Variants in FGF18 observed in about 807,000 individuals in gnomAD.
FGF18 encodes the protein fibroblast growth factor 18.
FGF18 carries 5 observed loss-of-function variants against 23.0 expected under a neutral mutation model. That is an observed-to-expected ratio of 0.22 (90% CI 0.11 to 0.46). The LOEUF is 0.46. Ranked by LOEUF, FGF18 falls within the 20% of genes least tolerant of loss-of-function variation. The pLI is 0.99. For synonymous variants in FGF18, 117 were observed against 118.9 expected (o/e 0.98, Z 0.10); for missense variants, 180 against 291.6 (o/e 0.62, Z 2.79).
At chr5:171,452,185 G>A (rs1772525935) in intron 4 of FGF18, among the ~76,000 whole-genome samples, 1 of 152,368 alleles carries the variant, frequency 6.6e-6, no homozygotes, top group Admixed American at 6.5e-5. Context: ...GTCGTCATCT[G>A]TAAAATGGGA....
intron 2 of FGF18, among the ~76,000 whole-genome samples, chr5:171,430,146 CAGG>C (rs1392624643): frequency 6.6e-6 from 1 of 151,940 alleles, no homozygotes; most frequent in East Asian, 1.9e-4. Flanking sequence ...ATCATGAGGT[CAGG>C]AGTTCAAGAC....
At position 171,451,699 on chromosome 5, in the gene FGF18, G is replaced by A. The variant is rs992357456; in HGVS notation, c.357+2446G>A. Among the ~76,000 whole-genome samples the A allele has an allele frequency of 6.6e-6, 1 of 152,030 alleles. No individual in the cohort carries two copies. The highest frequency in any genetic ancestry group is 1.5e-5 in the Non-Finnish European group (1 of 67,994). ...TCCCACCTTGCTATGGGACACCGAA[G>A]GCCCTGGGGAGCCTCCCCGGGCACA... On this transcript the variant is annotated intron_variant, in intron 4 of 4. Transcript: ENST00000274625. This position sits in a 1 kb window ranked among gnomAD's most constrained non-coding sequence, Gnocchi z 4.5.
intron 2 of FGF18, among the ~76,000 whole-genome samples, chr5:171,421,930 AT>A (rs1772015230): frequency 6.6e-6 from 1 of 152,130 alleles, no homozygotes; most frequent in South Asian, 2.1e-4. Flanking sequence ...AGTGCCAGGC[AT>A]GGCCTGCCTG....
intron 4 of FGF18, among the ~76,000 whole-genome samples, chr5:171,455,570 C>T (rs776319280): frequency 1.3e-5 from 2 of 152,164 alleles, no homozygotes; most frequent in Non-Finnish European, 2.9e-5. Context: ...ATGATGTGAC[C>T]AGGACGTAGT....
intron 2 of FGF18, among the ~76,000 whole-genome samples, chr5:171,421,427 AC>A (rs1772005190): frequency 6.6e-6 from 1 of 152,202 alleles, no homozygotes; most frequent in Admixed American, 6.5e-5. Context: ...GGAACTGGAC[AC>A]AGGTCAAAAG....
intron 3 of FGF18, among the ~76,000 whole-genome samples, chr5:171,443,465 T>G (rs2113353196): frequency 6.8e-6 from 1 of 146,360 alleles, no homozygotes; most frequent in Admixed American, 6.9e-5. Flanking sequence ...GCTTGACACA[T>G]GGTATATGCT....
At chr5:171,455,039 C>T (rs1232884753) in intron 4 of FGF18, among the ~76,000 whole-genome samples, 2 of 152,222 alleles carry the variant, frequency 1.3e-5, no homozygotes, top group African/African-American at 4.8e-5. Context: ...AAGCATCACT[C>T]CTACAGTGTC....
chr5:171,422,288 G>A (rs74815386), intron 2 of FGF18, among the ~76,000 whole-genome samples: 2,168 of 152,204 alleles, frequency 0.014, 51 homozygotes, highest in African/African-American at 0.049. Context: ...CCCTGGTTAG[G>A]TCAAGAGGCA....
intron 2 of FGF18, among the ~76,000 whole-genome samples, chr5:171,432,268 G>A (rs1249215090): frequency 6.6e-6 from 1 of 152,124 alleles, no homozygotes; most frequent in Non-Finnish European, 1.5e-5. Flanking sequence ...AGGCAGCCCC[G>A]CTATGCATGT....
chr5:171,435,700 CT>C (rs1173925506), intron 2 of FGF18, among the ~76,000 whole-genome samples: 1 of 152,120 alleles, frequency 6.6e-6, no homozygotes, highest in Non-Finnish European at 1.5e-5. Flanking sequence ...GATTGGAGTA[CT>C]TTTCTTCCCG....
intron 2 of FGF18, among the ~76,000 whole-genome samples, chr5:171,435,003 G>A (rs768098209): frequency 2.0e-5 from 3 of 152,162 alleles, no homozygotes; most frequent in Admixed American, 6.5e-5. Context: ...GAGCTCAAGG[G>A]GTTAGAATGT....
chr5:171,433,299 C>T (rs556471059), intron 2 of FGF18, among the ~76,000 whole-genome samples: 43 of 152,288 alleles, frequency 2.8e-4, no homozygotes, highest in African/African-American at 8.7e-4. Context: ...AATGGGAGGC[C>T]GGCTTCTGGG....
intron 3 of FGF18, among the ~76,000 whole-genome samples, chr5:171,448,033 C>T (rs1276895153): frequency 2.0e-5 from 3 of 152,290 alleles, no homozygotes; most frequent in South Asian, 2.1e-4. Flanking sequence ...CCCAAAGTCA[C>T]GCAGCAGCGT....
rs1272130517 is a variant in FGF18 at position 171,440,202 on chromosome 5, C to T, written c.250+3929C>T. On this transcript the variant is annotated intron_variant, in intron 3 of 4. Transcript: ENST00000274625. The surrounding 1 kb of genome is among the most constrained non-coding windows in gnomAD (Gnocchi z 4.0). ...TTAAACCAGTACTAATAATCACCAC[C>T]TGACCTCCTTACTATGGGTGTGTGG... 6.7e-6 allele frequency among the ~76,000 whole-genome samples: 1 copy of T among 148,720 alleles called. No individual in the cohort carries two copies. Among genetic ancestry groups the T allele is most frequent in the East Asian group, 2.0e-4 (1 of 5,044 alleles).
chr5:171,439,441 G>C (rs555081907), intron 3 of FGF18, among the ~76,000 whole-genome samples: 3 of 152,298 alleles, frequency 2.0e-5, no homozygotes, highest in South Asian at 2.1e-4. Flanking sequence ...GGGAGGTTGT[G>C]GGGGAGGGGC....
At chr5:171,445,757 G>T (rs763649743) in intron 3 of FGF18, among the ~76,000 whole-genome samples, 1 of 152,148 alleles carries the variant, frequency 6.6e-6, no homozygotes, top group Non-Finnish European at 1.5e-5. Flanking sequence ...GTTGAGTTGT[G>T]CAGGCTGGAG....
intron 3 of FGF18, among the ~76,000 whole-genome samples, chr5:171,437,531 C>T (rs1406657074): frequency 6.6e-5 from 10 of 152,206 alleles, no homozygotes; most frequent in Non-Finnish European, 1.3e-4. Flanking sequence ...GCAGCTTTTC[C>T]CCGTTCCCCG....
At chr5:171,443,895 A>G (rs1298000177) in intron 3 of FGF18, among the ~76,000 whole-genome samples, 1 of 151,510 alleles carries the variant, frequency 6.6e-6, no homozygotes, top group African/African-American at 2.4e-5. Context: ...CTGGGGAGAC[A>G]GGCTCTGTGG....
At chr5:171,442,329 G>T (rs1223627286) in intron 3 of FGF18, among the ~76,000 whole-genome samples, 1 of 152,128 alleles carries the variant, frequency 6.6e-6, no homozygotes, top group Non-Finnish European at 1.5e-5. Context: ...CTCCTCCATT[G>T]CCACCTCTCT....
Sources: allele counts gnomAD v4.1 joint callset (sites outside exome capture counted in the v4.1 genomes callset), GRCh38; gene constraint gnomAD v4.1.1; non-coding constraint Gnocchi (gnomAD v3.1); transcripts MANE v1.5; gene names NCBI Gene and HGNC (gene_info 2026-07-23, HGNC 2026-07-21).